Variants in MTHFS observed in about 807,000 individuals in gnomAD.
The protein encoded by MTHFS is 5-formyltetrahydrofolate cyclo-ligase.
A neutral mutation model predicts 12.7 loss-of-function variants in MTHFS; 7 were observed. That is an observed-to-expected ratio of 0.55 (90% CI 0.31 to 1.03). The LOEUF is 1.03. Among genes scored for constraint, MTHFS ranks in the 50% least tolerant of loss-of-function variants. The pLI is 0.05. For synonymous variants in MTHFS, 100 were observed against 97.1 expected (o/e 1.03, Z -0.18); for missense variants, 252 against 258.1 (o/e 0.98, Z 0.16).
At chr15:79,887,341 C>T (rs932151803) in intron 2 of MTHFS, among the ~76,000 whole-genome samples, 3 of 152,200 alleles carry the variant, frequency 2.0e-5, no homozygotes, top group Non-Finnish European at 4.4e-5. Flanking sequence ...CTTCCTTACT[C>T]TTTTCACCAC....
At chr15:79,868,504 T>C (rs1031685558) in intron 2 of MTHFS, among the ~76,000 whole-genome samples, 9 of 152,226 alleles carry the variant, frequency 5.9e-5, no homozygotes, top group Non-Finnish European at 1.2e-4. Flanking sequence ...GGCCAACAGG[T>C]GCCCAGACCA....
At chr15:79,867,750 A>G (rs2034037576) in intron 2 of MTHFS, among the ~76,000 whole-genome samples, 1 of 152,242 alleles carries the variant, frequency 6.6e-6, no homozygotes, top group Non-Finnish European at 1.5e-5. Flanking sequence ...GAAAGTTTCT[A>G]TCAGGAATCT....
chr15:79,876,071 C>T (rs1004727439), intron 2 of MTHFS: 1 of 151,774 alleles, frequency 6.6e-6, no homozygotes, highest in Admixed American at 6.6e-5. Flanking sequence ...AAGCTAGTTA[C>T]CAAAAAACAA....
chr15:79,846,035 G>A (rs908122439), intron 2 of MTHFS, among the ~76,000 whole-genome samples: 2 of 152,316 alleles, frequency 1.3e-5, no homozygotes, highest in South Asian at 2.1e-4. Context: ...ACAAGATGGG[G>A]ACCCACAACT....
intron 2 of MTHFS, among the ~76,000 whole-genome samples, chr15:79,867,628 CAGA>C: frequency 1.3e-5 from 2 of 148,492 alleles, no homozygotes; most frequent in South Asian, 4.2e-4. Flanking sequence ...AAAAAACCAA[CAGA>C]AGTTTTCCAA....
At chr15:79,866,032 T>G (rs2034004181) in intron 2 of MTHFS, among the ~76,000 whole-genome samples, 1 of 143,322 alleles carries the variant, frequency 7.0e-6, no homozygotes, top group African/African-American at 2.5e-5. Context: ...TCACTGCAGT[T>G]TGAAATTTTA....
intron 2 of MTHFS, among the ~76,000 whole-genome samples, chr15:79,864,194 C>T (rs780292874): frequency 6.6e-6 from 1 of 152,138 alleles, no homozygotes; most frequent in Admixed American, 6.6e-5. Context: ...TAAGGCTTAG[C>T]ACTTAGTAGA....
intron 1 of MTHFS, among the ~76,000 whole-genome samples, chr15:79,896,599 C>T (rs547530864): frequency 1.3e-5 from 2 of 152,342 alleles, no homozygotes; most frequent in Admixed American, 1.3e-4. Flanking sequence ...AACAAACTCC[C>T]CTCCCAGAGA....
intron 2 of MTHFS, among the ~76,000 whole-genome samples, chr15:79,865,619 A>G (rs978276904): frequency 3.9e-5 from 6 of 152,162 alleles, no homozygotes; most frequent in Non-Finnish European, 8.8e-5. Flanking sequence ...TGCAAAGCTG[A>G]TTTAACGAGG....
At chr15:79,852,172 T>C (rs1034249687) in intron 2 of MTHFS, among the ~76,000 whole-genome samples, 4 of 152,210 alleles carry the variant, frequency 2.6e-5, no homozygotes, top group African/African-American at 9.6e-5. Flanking sequence ...TAATTCATGA[T>C]AGCTCTTGAG....
intron 1 of MTHFS, among the ~76,000 whole-genome samples, chr15:79,894,247 G>C (rs183762611): frequency 1.3e-5 from 2 of 152,072 alleles, no homozygotes; most frequent in South Asian, 2.1e-4. Flanking sequence ...TGAGCATGGC[G>C]GCACGTGCCT....
At chr15:79,887,098 G>T (rs1415696209) in intron 2 of MTHFS, among the ~76,000 whole-genome samples, 3 of 152,242 alleles carry the variant, frequency 2.0e-5, no homozygotes, top group East Asian at 1.9e-4. Flanking sequence ...GCCAGCCACG[G>T]TGGCGCACGC....
chr15:79,859,545 C>A (rs1394765511), intron 2 of MTHFS, among the ~76,000 whole-genome samples: 2 of 152,206 alleles, frequency 1.3e-5, no homozygotes, highest in Non-Finnish European at 2.9e-5. Context: ...CAGCCAGGGG[C>A]AATGGCTCAT....
At chr15:79,879,699 G>A (rs372081053) in intron 2 of MTHFS, among the ~76,000 whole-genome samples, 135 of 152,276 alleles carry the variant, frequency 8.9e-4, no homozygotes, top group African/African-American at 3.2e-3. Flanking sequence ...TTGAGAAGCA[G>A]AGGCCTAAAT....
chr15:79,873,935 C>T (rs538111666), intron 2 of MTHFS, among the ~76,000 whole-genome samples: 1 of 152,282 alleles, frequency 6.6e-6, no homozygotes, highest in Admixed American at 6.5e-5. Flanking sequence ...ATAAACTCTT[C>T]CTACATACCT....
intron 2 of MTHFS, among the ~76,000 whole-genome samples, chr15:79,863,103 T>C (rs759940821): frequency 1.3e-5 from 2 of 152,234 alleles, no homozygotes; most frequent in Non-Finnish European, 2.9e-5. Context: ...GACATGCAGA[T>C]GGCAAAGCCA....
At chr15:79,881,047 T>G (rs2034288125) in intron 2 of MTHFS, among the ~76,000 whole-genome samples, 2 of 152,236 alleles carry the variant, frequency 1.3e-5, no homozygotes, top group Admixed American at 1.3e-4. Context: ...AAGAATTTAT[T>G]TTTTCTAATT....
intron 2 of MTHFS, among the ~76,000 whole-genome samples, chr15:79,872,974 A>T (rs965888725): frequency 2.6e-5 from 4 of 152,204 alleles, no homozygotes; most frequent in African/African-American, 9.6e-5. Flanking sequence ...GGCCCAGCCT[A>T]GCTGACCATT....
At chr15:79,888,574 A>C (rs926802568) in intron 2 of MTHFS, among the ~76,000 whole-genome samples, 2 of 152,182 alleles carry the variant, frequency 1.3e-5, no homozygotes, top group African/African-American at 4.8e-5. Flanking sequence ...GGTTGGAGAG[A>C]AATGGACAGA....
Sources: gnomAD v4.1 joint callset for allele counts (sites outside exome capture counted in the v4.1 genomes callset) on GRCh38, gnomAD v4.1.1 for gene constraint, MANE v1.5 for transcripts, NCBI Gene and HGNC (gene_info 2026-07-23, HGNC 2026-07-21) for gene names.